The following PPP1R14C variants were observed in gnomAD, a reference collection of about 807,000 sequenced individuals.
PPP1R14C encodes the protein protein phosphatase 1 regulatory inhibitor subunit 14C.
In PPP1R14C, 16 loss-of-function variants were observed where a neutral mutation model predicts 20.4. The observed-to-expected ratio is 0.78, with a 90% confidence interval of 0.53 to 1.19. The LOEUF is 1.19. Among genes scored for constraint, PPP1R14C ranks in the 50% most tolerant of loss-of-function variants. PPP1R14C has a pLI of 0.00. For missense variants in PPP1R14C, 211 were observed against 220.1 expected (o/e 0.96, Z 0.26); for synonymous variants, 91 against 91.0 (o/e 1.00, Z 0.00).
intron 1 of PPP1R14C, among the ~76,000 whole-genome samples, chr6:150,151,995 C>T (rs1159519396): frequency 6.6e-6 from 1 of 151,608 alleles, no homozygotes; most frequent in Non-Finnish European, 1.5e-5. Context: ...TGGCGGGCGC[C>T]TGTAGTCCCA....
intron 3 of PPP1R14C, among the ~76,000 whole-genome samples, chr6:150,235,889 C>G (rs1778353862): frequency 6.6e-6 from 1 of 152,190 alleles, no homozygotes; most frequent in South Asian, 2.1e-4. Context: ...GCTGTGGACA[C>G]TGACCTTTGC....
At chr6:150,145,922 A>G (rs541311511) in intron 1 of PPP1R14C, among the ~76,000 whole-genome samples, 10 of 152,298 alleles carry the variant, frequency 6.6e-5, no homozygotes, top group Admixed American at 2.6e-4. Flanking sequence ...AGATGACTTG[A>G]CCTTTTCAGA....
At chr6:150,195,269 G>T in intron 1 of PPP1R14C, 3 of 637,794 alleles carry the variant, frequency 4.7e-6, no homozygotes, top group Non-Finnish European at 5.8e-6. Flanking sequence ...ATACATGGGG[G>T]CTAAAAAAAT....
intron 1 of PPP1R14C, among the ~76,000 whole-genome samples, chr6:150,205,382 G>A (rs1777935481): frequency 6.6e-6 from 1 of 152,150 alleles, no homozygotes; most frequent in Non-Finnish European, 1.5e-5. Flanking sequence ...TGCTGCTGCT[G>A]TTGCATAGGT....
intron 1 of PPP1R14C, among the ~76,000 whole-genome samples, chr6:150,144,914 T>C (rs1350769399): frequency 2.6e-5 from 4 of 152,222 alleles, no homozygotes; most frequent in African/African-American, 9.6e-5. Context: ...CATTATTTGA[T>C]GTAGATGGGA....
intron 3 of PPP1R14C, among the ~76,000 whole-genome samples, chr6:150,244,579 G>A (rs932210531): frequency 2.0e-5 from 3 of 152,172 alleles, no homozygotes; most frequent in Non-Finnish European, 4.4e-5. Flanking sequence ...AGTCCCTATC[G>A]GCATTGTCCA....
chr6:150,146,879 G>T (rs1293934140), intron 1 of PPP1R14C, among the ~76,000 whole-genome samples: 1 of 152,190 alleles, frequency 6.6e-6, no homozygotes, highest in Non-Finnish European at 1.5e-5. Flanking sequence ...GCCCGGAGAT[G>T]TGGTCCCCTC....
At chr6:150,218,210 T>C (rs1778119289) in intron 3 of PPP1R14C, among the ~76,000 whole-genome samples, 1 of 152,122 alleles carries the variant, frequency 6.6e-6, no homozygotes, top group African/African-American at 2.4e-5. Flanking sequence ...GAGGCCATCC[T>C]GGCTAACACG....
chr6:150,161,464 T>C (rs1357627833), intron 1 of PPP1R14C, among the ~76,000 whole-genome samples: 2 of 152,234 alleles, frequency 1.3e-5, no homozygotes, highest in African/African-American at 4.8e-5. Context: ...AGCATCTATA[T>C]CAAGCTAAAC....
At chr6:150,194,419 T>C in intron 1 of PPP1R14C, 2 of 981,096 alleles carry the variant, frequency 2.0e-6, no homozygotes, top group Non-Finnish European at 2.4e-6. Flanking sequence ...CTTGAGAGTA[T>C]GTACAAAATG....
chr6:150,199,541 A>G (rs1777850855), intron 1 of PPP1R14C, among the ~76,000 whole-genome samples: 1 of 152,172 alleles, frequency 6.6e-6, no homozygotes, highest in Non-Finnish European at 1.5e-5. Flanking sequence ...TAAACCCACC[A>G]GCCTCTTCAT....
At chr6:150,226,593 C>A (rs992108877) in intron 3 of PPP1R14C, among the ~76,000 whole-genome samples, 1 of 152,114 alleles carries the variant, frequency 6.6e-6, no homozygotes, top group Non-Finnish European at 1.5e-5. Context: ...GCCTTACCGT[C>A]TGTTAGGGGA....
rs369982199 is a variant in PPP1R14C, at chr6:150,235,184, G to A, written c.424-13562G>A. ...CTCACTGCAGCCTCGAAATCCTTGG[G>A]CTCAAATGATCCTCCTGCCTCAGTC... On this transcript the variant is annotated intron_variant, in intron 3 of 3. Coordinates refer to ENST00000361131, the MANE Select transcript of PPP1R14C (RefSeq NM_030949.3). Among the ~76,000 whole-genome samples the A allele has an allele frequency of 9.8e-5, 15 of 152,322 alleles. 1 individual carries two copies. Among genetic ancestry groups the A allele is most frequent in the African/African-American group, 3.1e-4 (13 of 41,582 alleles).
chr6:150,191,921 T>C (rs1255128569), intron 1 of PPP1R14C, among the ~76,000 whole-genome samples: 1 of 152,082 alleles, frequency 6.6e-6, no homozygotes. Context: ...ATTTGAGGTG[T>C]AGATAGGGAA....
chr6:150,248,569 G>A (rs562363123), intron 3 of PPP1R14C, among the ~76,000 whole-genome samples, 177 bp from the exon 4 acceptor site: 1 of 152,330 alleles, frequency 6.6e-6, no homozygotes, highest in Admixed American at 6.5e-5. Context: ...GTGGTGTGAA[G>A]TTTTAGTATT....
At chr6:150,177,505 T>A (rs944228533) in intron 1 of PPP1R14C, among the ~76,000 whole-genome samples, 1 of 152,206 alleles carries the variant, frequency 6.6e-6, no homozygotes. Context: ...AGGCCTGGCC[T>A]TGGGGCCTGT....
chr6:150,200,916 T>A (rs932078142), intron 1 of PPP1R14C, among the ~76,000 whole-genome samples: 6 of 151,882 alleles, frequency 4.0e-5, no homozygotes, highest in African/African-American at 1.5e-4. Flanking sequence ...ATGTGTTGGG[T>A]GCCTGGAGCC....
At chr6:150,160,714 C>T (rs191549181) in intron 1 of PPP1R14C, among the ~76,000 whole-genome samples, 40 of 152,094 alleles carry the variant, frequency 2.6e-4, no homozygotes, top group South Asian at 8.3e-4. Context: ...GTATGGTTCA[C>T]GTATATTTAT....
intron 1 of PPP1R14C, among the ~76,000 whole-genome samples, chr6:150,149,737 T>G (rs528549174): frequency 6.6e-6 from 1 of 152,212 alleles, no homozygotes; most frequent in African/African-American, 2.4e-5. Flanking sequence ...CCACTAACTG[T>G]TGGTTATTCT....
Sources: allele counts gnomAD v4.1 joint callset (sites outside exome capture counted in the v4.1 genomes callset), GRCh38; gene constraint gnomAD v4.1.1; transcripts MANE v1.5; gene names NCBI Gene and HGNC (gene_info 2026-07-23, HGNC 2026-07-21).